Variants in RNLS observed in about 807,000 individuals in gnomAD.
The protein encoded by RNLS is renalase, FAD dependent amine oxidase, also known as renalase.
A neutral mutation model predicts 39.8 loss-of-function variants in RNLS; 39 were observed. The observed-to-expected ratio is 0.98, with a 90% CI of 0.76 to 1.28. RNLS has a LOEUF of 1.28. RNLS is among the 50% of genes most tolerant of loss of function. The probability of loss-of-function intolerance (pLI) is 0.00; values close to 1 mark genes in which losing one functional copy is unlikely to be tolerated. For synonymous variants in RNLS, 147 were observed against 150.7 expected (o/e 0.98, Z 0.18); for missense variants, 410 against 413.3 (o/e 0.99, Z 0.07).
chr10:88,226,944 G>A, the RNLS span, among the ~76,000 whole-genome samples: 267 of 152,030 alleles, frequency 1.8e-3, no homozygotes, highest in Non-Finnish European at 3.1e-3. Flanking sequence ...GCTTTCTTGC[G>A]AATCCATACT....
the RNLS span, among the ~76,000 whole-genome samples, chr10:88,260,923 A>G: frequency 6.6e-6 from 1 of 152,218 alleles, no homozygotes; most frequent in Non-Finnish European, 1.5e-5. Context: ...TATTGCTTTC[A>G]GCAAAAGACA....
At chr10:88,443,835 G>A (rs1274636952) in intron 4 of RNLS, among the ~76,000 whole-genome samples, 3 of 152,246 alleles carry the variant, frequency 2.0e-5, no homozygotes, top group Non-Finnish European at 4.4e-5. Flanking sequence ...AGCTCCAACT[G>A]GGTGGAGCCC....
At chr10:88,473,127 A>G (rs2133985464) in intron 4 of RNLS, among the ~76,000 whole-genome samples, 1 of 152,318 alleles carries the variant, frequency 6.6e-6, no homozygotes, top group East Asian at 1.9e-4. Context: ...AACTGTAGCA[A>G]AATGGTATTT....
At chr10:88,235,354 A>G in the RNLS span, among the ~76,000 whole-genome samples, 1 of 151,782 alleles carries the variant, frequency 6.6e-6, no homozygotes. Context: ...GTCATATGCT[A>G]GTATCCAAAG....
Position 88,535,808 on chromosome 10 carries a change from T to C in RNLS, c.526+37095A>G, listed in dbSNP as rs560636397. ...AGTCAAGAGGAACCACAGCTAGGAT[T>C]CTAGGGAAGGTTGAAAGTGGAAATG... On this transcript the variant is annotated intron_variant, in intron 4 of 6. Coordinates refer to ENST00000331772, the MANE Select transcript of RNLS (RefSeq NM_001031709.3). 6.6e-5 allele frequency among the ~76,000 whole-genome samples: 10 copies of C among 152,258 alleles called. No homozygotes were observed. The South Asian group carries it at 2.1e-3, about 32-fold the overall frequency.
chr10:88,524,980 T>C (rs1387066321), intron 4 of RNLS, among the ~76,000 whole-genome samples: 7 of 132,868 alleles, frequency 5.3e-5, no homozygotes, highest in African/African-American at 1.4e-4. Flanking sequence ...TATATATATA[T>C]ATATATATAT....
chr10:88,539,069 CTG>C (rs1847915556), intron 4 of RNLS, among the ~76,000 whole-genome samples: 1 of 152,074 alleles, frequency 6.6e-6, no homozygotes, highest in African/African-American at 2.4e-5. Flanking sequence ...GATTTGGAAA[CTG>C]TTTCTAAAAG....
chr10:88,518,029 G>A (rs1186160463), intron 4 of RNLS, among the ~76,000 whole-genome samples: 1 of 151,858 alleles, frequency 6.6e-6, no homozygotes, highest in African/African-American at 2.4e-5. Flanking sequence ...TGGAAACATG[G>A]TAAGAGAGAT....
At chr10:88,349,447 T>C (rs1848525509) in intron 5 of RNLS, among the ~76,000 whole-genome samples, 1 of 152,106 alleles carries the variant, frequency 6.6e-6, no homozygotes, top group Non-Finnish European at 1.5e-5. Flanking sequence ...GTTATTTCAT[T>C]CTCTAATAAA....
At chr10:88,424,822 T>C (rs1481496745) in intron 4 of RNLS, among the ~76,000 whole-genome samples, 1 of 152,016 alleles carries the variant, frequency 6.6e-6, no homozygotes, top group African/African-American at 2.4e-5. Context: ...GCAGAGGAAG[T>C]GTTCAGTATA....
At chr10:88,264,425 A>G in the RNLS span, among the ~76,000 whole-genome samples, 1 of 152,170 alleles carries the variant, frequency 6.6e-6, no homozygotes, top group African/African-American at 2.4e-5. Flanking sequence ...GTACTAGTTT[A>G]CATTTCTACC....
intron 4 of RNLS, among the ~76,000 whole-genome samples, chr10:88,477,897 C>A (rs547852317): frequency 5.3e-4 from 81 of 152,300 alleles, no homozygotes; most frequent in African/African-American, 1.9e-3. Context: ...ATGACACCAA[C>A]TACTATGCAA....
chr10:88,383,334 G>A (rs1851663876), intron 4 of RNLS, among the ~76,000 whole-genome samples: 1 of 152,088 alleles, frequency 6.6e-6, no homozygotes, highest in African/African-American at 2.4e-5. Flanking sequence ...CTTTCCTACA[G>A]ACTGTTAATG....
In RNLS at chr10:88,575,340, G is replaced by A. The variant is rs996429494; in HGVS notation, c.368-2279C>T. On this transcript the variant is annotated intron_variant, in intron 3 of 6. Coordinates refer to ENST00000331772, the MANE Select transcript of RNLS (RefSeq NM_001031709.3). ...TGAACCCCAGACCAGCAGCACCTAT[G>A]TACTAGAAAATGCACATTCCTGGGC... Among the ~76,000 whole-genome samples, 17 of 150,918 alleles carry A rather than the reference G, an allele frequency of 1.1e-4. No homozygotes were observed. The East Asian group carries it at 2.9e-3, about 26-fold the overall frequency.
At chr10:88,261,686 A>G in the RNLS span, among the ~76,000 whole-genome samples, 24 of 152,216 alleles carry the variant, frequency 1.6e-4, no homozygotes, top group African/African-American at 5.3e-4. Context: ...GGATTATTGT[A>G]GAGATTAAAT....
chr10:88,484,540 CT>C (rs1316685109), intron 4 of RNLS, among the ~76,000 whole-genome samples: 1 of 151,928 alleles, frequency 6.6e-6, no homozygotes, highest in Non-Finnish European at 1.5e-5. Context: ...GGAAAAAGAA[CT>C]TATGAGTTCA....
chr10:88,261,665 C>G, the RNLS span, among the ~76,000 whole-genome samples: 5 of 152,140 alleles, frequency 3.3e-5, no homozygotes, highest in African/African-American at 9.7e-5. Flanking sequence ...TTCTACCACA[C>G]CCTCCCTTTA....
At position 88,284,221 on chromosome 10, in the gene RNLS, T is replaced by G; in HGVS notation, c.*1133A>C. 2 of 985,356 alleles carry G rather than the reference T, an allele frequency of 2.0e-6. No individual in the cohort carries two copies. The highest frequency in any genetic ancestry group is 2.4e-6 in the Non-Finnish European group (2 of 829,864). The allele number at this position is 985,356 out of a possible 1,614,324, so 61.0% of individuals were successfully genotyped here. On this transcript the variant is annotated 3_prime_UTR_variant, in exon 7 of 7. Transcript: ENST00000331772. ...AGTTCTGCCTGTGCCTGTGTATGTG[T>G]ATGTATGACAGTGGACATGTAAGTG... is the stretch of plus-strand genomic sequence containing the variant.
At chr10:88,254,307 G>C in the RNLS span, among the ~76,000 whole-genome samples, 1 of 152,190 alleles carries the variant, frequency 6.6e-6, no homozygotes, top group Non-Finnish European at 1.5e-5. Context: ...GAATAAACAG[G>C]AGTAGCACTA....
Sources: allele counts gnomAD v4.1 joint callset (sites outside exome capture counted in the v4.1 genomes callset), GRCh38; gene constraint gnomAD v4.1.1; transcripts MANE v1.5; gene names NCBI Gene and HGNC (gene_info 2026-07-23, HGNC 2026-07-21).